The following MND1 variants were observed in gnomAD, a reference collection of about 807,000 sequenced individuals.
MND1 encodes the protein meiotic nuclear division protein 1 homolog.
MND1 carries 28 observed loss-of-function variants against 35.1 expected under a neutral mutation model. The ratio of observed to expected loss-of-function variants is 0.80; its 90% CI spans 0.59 to 1.09. The LOEUF is 1.09. MND1 is among the 50% of genes least tolerant of loss of function. MND1 has a pLI of 0.00. For synonymous variants in MND1, 69 were observed against 70.5 expected, an observed-to-expected ratio of 0.98 and a Z score of 0.11; for missense variants, 213 against 239.6, an observed-to-expected ratio of 0.89 and a Z score of 0.73.
intron 2 of MND1, among the ~76,000 whole-genome samples, chr4:153,353,415 AT>A (rs1773264294): frequency 1.6e-5 from 1 of 62,790 alleles, no homozygotes; most frequent in African/African-American, 5.9e-5. Context: ...ATATATATAT[AT>A]ATATATATAT....
chr4:153,397,694 C>A (rs1729237602), intron 6 of MND1, among the ~76,000 whole-genome samples: 1 of 151,806 alleles, frequency 6.6e-6, no homozygotes, highest in South Asian at 2.1e-4. Flanking sequence ...GTGACAGATG[C>A]CAGTAGTCCC....
intron 2 of MND1, among the ~76,000 whole-genome samples, chr4:153,355,119 G>A (rs748007583): frequency 1.6e-4 from 25 of 151,942 alleles, no homozygotes; most frequent in Non-Finnish European, 2.9e-4. Flanking sequence ...AGCCATGATC[G>A]TGCCACTGTA....
At position 153,385,397 on chromosome 4, in the gene MND1, A is replaced by C. The variant is rs574502910; in HGVS notation, c.277-8865A>C. Among the ~76,000 whole-genome samples the C allele has an allele frequency of 1.5e-4, 23 of 152,228 alleles. 1 individual carries two copies. The highest frequency in any genetic ancestry group is 5.5e-4 in the African/African-American group (23 of 41,552). On this transcript the variant is annotated intron_variant, in intron 4 of 7. Coordinates refer to ENST00000240488, the MANE Select transcript of MND1 (RefSeq NM_032117.4). Reference sequence around the variant, plus strand: ...TTTAAGAGGGGAGATTGATTTAACGACTCATTTAAGTTCAAATTTTTCAAA... The same window carrying C: ...TTTAAGAGGGGAGATTGATTTAACGCCTCATTTAAGTTCAAATTTTTCAAA...
In MND1 at chr4:153,381,667, A is replaced by AATATATATATATAT. The variant is rs199673350; in HGVS notation, c.277-12582_277-12569dup. 3.9e-3 allele frequency: 98 copies of AATATATATATATAT among 25,446 alleles called. 1 individual carries two copies. Among genetic ancestry groups the AATATATATATATAT allele is most frequent in the Admixed American group, 5.8e-3 (6 of 1,042 alleles). 1.6% of individuals were successfully genotyped at this position (25,446 alleles called of 1,614,324 possible). A position where few individuals can be genotyped will look rare whatever the true frequency, so the allele number is the denominator to read the frequency against. ...GCTATATATATAATATATATAATATAATATATATATATATATATATATATA... is the reference window on the plus strand; with the variant it reads ...GCTATATATATAATATATATAATATAATATATATATATATATATATATATATATATATATATATA... On this transcript the variant is annotated intron_variant, in intron 4 of 7. Coordinates refer to ENST00000240488, the MANE Select transcript of MND1 (RefSeq NM_032117.4).
intron 2 of MND1, among the ~76,000 whole-genome samples, chr4:153,354,863 A>C (rs1353105089): frequency 1.3e-5 from 2 of 152,152 alleles, no homozygotes; most frequent in Non-Finnish European, 2.9e-5. Context: ...CAAGAACTTT[A>C]AATAATTGTA....
At chr4:153,381,687 TATATA>T (rs1224712188) in intron 4 of MND1, 1 of 27,514 alleles carries the variant, frequency 3.6e-5, no homozygotes, top group Non-Finnish European at 7.1e-5. Flanking sequence ...TATATATATA[TATATA>T]TTTTTTTTTT....
At chr4:153,385,693 G>A (rs1453739996) in intron 4 of MND1, among the ~76,000 whole-genome samples, 2 of 146,046 alleles carry the variant, frequency 1.4e-5, no homozygotes, top group Non-Finnish European at 3.0e-5. Flanking sequence ...TCTAGCCTGG[G>A]TGACAGAGTG....
intron 6 of MND1, among the ~76,000 whole-genome samples, chr4:153,407,117 G>A (rs1160355099): frequency 2.0e-5 from 3 of 152,088 alleles, no homozygotes; most frequent in African/African-American, 4.8e-5. Flanking sequence ...GATTTGAGTG[G>A]GGACACAGCC....
intron 4 of MND1, among the ~76,000 whole-genome samples, chr4:153,378,271 AT>A (rs529816107): frequency 3.9e-5 from 6 of 151,976 alleles, no homozygotes; most frequent in South Asian, 4.1e-4. Flanking sequence ...AGTAATCTTG[AT>A]TTTTTTTCTA....
chr4:153,374,812 A>G (rs1561065077), intron 4 of MND1, among the ~76,000 whole-genome samples: 1 of 152,124 alleles, frequency 6.6e-6, no homozygotes, highest in Admixed American at 6.6e-5. Flanking sequence ...CCTCATGGTT[A>G]TAATTAACGT....
chr4:153,350,048 A>G lies in MND1; in HGVS notation c.4-16A>G. ...TGTTTAAAAGCATTGTTTACTTGTTAATTTTTTTGCTTTAGTCAAAGAAAA... is the reference window on the plus strand; with the variant it reads ...TGTTTAAAAGCATTGTTTACTTGTTGATTTTTTTGCTTTAGTCAAAGAAAA... On this transcript the variant is annotated splice_polypyrimidine_tract_variant and intron_variant, in intron 1 of 7. Transcript: ENST00000240488. 1 of 1,557,620 alleles carries G rather than the reference A, an allele frequency of 6.4e-7. No homozygotes were observed. The highest frequency in any genetic ancestry group is 1.2e-5 in the South Asian group (1 of 85,278).
chr4:153,348,660 T>G (rs1216055415), intron 1 of MND1, among the ~76,000 whole-genome samples: 1 of 152,170 alleles, frequency 6.6e-6, no homozygotes, highest in Non-Finnish European at 1.5e-5. Context: ...TTGTTGTTTT[T>G]TTTTGTGTGT....
chr4:153,414,982 A>G lies in MND1; in HGVS notation c.*125A>G, dbSNP rs1357721496. The G allele has an allele frequency of 2.2e-6, 1 of 444,768 alleles. No individual in the cohort carries two copies. The highest frequency in any genetic ancestry group is 4.1e-6 in the Non-Finnish European group (1 of 245,532). The allele number at this position is 444,768 out of a possible 1,614,324, so 27.6% of individuals were successfully genotyped here. A position where few individuals can be genotyped will look rare whatever the true frequency, so the allele number is the denominator to read the frequency against. On this transcript the variant is annotated 3_prime_UTR_variant, in exon 8 of 8. Coordinates refer to ENST00000240488, the MANE Select transcript of MND1 (RefSeq NM_032117.4). Reference sequence around the variant, plus strand: ...GTTTATCATTTTATTAATGTTAAATAAAGTGTAAAATGCAGATGTTCTTCA... The same window carrying G: ...GTTTATCATTTTATTAATGTTAAATGAAGTGTAAAATGCAGATGTTCTTCA...
chr4:153,360,405 A>G (rs77708855), intron 4 of MND1, among the ~76,000 whole-genome samples: 3,289 of 152,042 alleles, frequency 0.022, 126 homozygotes, highest in African/African-American at 0.076. Context: ...ATCCAGGGGC[A>G]TGTAGATTTT....
intron 4 of MND1, among the ~76,000 whole-genome samples, chr4:153,380,265 C>A (rs981443724): frequency 1.3e-5 from 2 of 151,982 alleles, no homozygotes; most frequent in Non-Finnish European, 2.9e-5. Flanking sequence ...TTGGTTAATC[C>A]CACCACACAT....
chr4:153,405,244 G>A (rs894716254), intron 6 of MND1, among the ~76,000 whole-genome samples: 3 of 152,068 alleles, frequency 2.0e-5, no homozygotes, highest in Non-Finnish European at 4.4e-5. Context: ...TCGCTACAAG[G>A]CTGCAGTTAT....
chr4:153,354,770 G>C (rs1322033695), intron 2 of MND1, among the ~76,000 whole-genome samples: 1 of 152,160 alleles, frequency 6.6e-6, no homozygotes. Flanking sequence ...AAAGTGGTGG[G>C]ATTATAGACA....
At chr4:153,366,997 C>G (rs1773651770) in intron 4 of MND1, among the ~76,000 whole-genome samples, 3 of 152,130 alleles carry the variant, frequency 2.0e-5, no homozygotes, top group Non-Finnish European at 4.4e-5. Flanking sequence ...GGTAGCCTGT[C>G]TTTCCATTCT....
At chr4:153,358,065 C>G (rs886841714) in intron 3 of MND1, among the ~76,000 whole-genome samples, 3 of 152,104 alleles carry the variant, frequency 2.0e-5, no homozygotes, top group African/African-American at 7.2e-5. Context: ...TCAAAGGCTT[C>G]TCACAAGTAA....
Sources: gnomAD v4.1 joint callset for allele counts (sites outside exome capture counted in the v4.1 genomes callset) on GRCh38, gnomAD v4.1.1 for gene constraint, MANE v1.5 for transcripts, NCBI Gene and HGNC (gene_info 2026-07-23, HGNC 2026-07-21) for gene names.